Variants in RRH observed in about 807,000 individuals in gnomAD.
The protein encoded by RRH is retinal pigment epithelium-derived rhodopsin homolog, also known as visual pigment-like receptor peropsin.
Under a neutral mutation model 33.1 loss-of-function variants are expected in RRH, and 36 were observed. That is an observed-to-expected ratio of 1.09 (90% CI 0.83 to 1.44). The LOEUF (loss-of-function observed/expected upper bound fraction) is 1.44, where lower values mean the gene tolerates loss of function less well. RRH is among the 40% of genes most tolerant of loss of function. The probability of loss-of-function intolerance (pLI) is 0.00; values close to 1 mark genes in which losing one functional copy is unlikely to be tolerated. For missense variants in RRH, 393 were observed against 420.2 expected, an observed-to-expected ratio of 0.94 and a Z score of 0.57; for synonymous variants, 124 against 140.2, an observed-to-expected ratio of 0.88 and a Z score of 0.82.
At chr4:109,838,750 G>A (rs1323760877) in intron 5 of RRH, among the ~76,000 whole-genome samples, 2 of 152,208 alleles carry the variant, frequency 1.3e-5, no homozygotes, top group African/African-American at 4.8e-5. Flanking sequence ...TACAAAGGCT[G>A]ATGGCATTCT....
Position 109,837,490 on chromosome 4 carries a change from T to C in RRH, c.605T>C (p.Leu202Ser). ...TVIAINFIVP[L>S]TVMFYCYYHV... The stretch of plus-strand genomic sequence containing the variant: ...ATTGCGATAAATTTTATTGTGCCCT[T>C]GACAGTGATGTTTTACTGCTATTAC... The change falls in exon 5 of 7, where the codon TTG becomes TCG. Residue 202 changes from leucine (L) to serine (S), a missense_variant. Physicochemically the swap from Leu to Ser is moderately radical, Grantham distance 145. Transcript: ENST00000317735. 1 of 1,613,936 alleles carries C rather than the reference T, an allele frequency of 6.2e-7. No homozygotes were observed. The highest frequency in any genetic ancestry group is 8.5e-7 in the Non-Finnish European group (1 of 1,179,778).
intron 1 of RRH, among the ~76,000 whole-genome samples, chr4:109,832,368 GGAAACTTGATTTCCA>G (rs1157779145): frequency 2.0e-5 from 3 of 150,852 alleles, no homozygotes; most frequent in African/African-American, 4.9e-5. Flanking sequence ...CTGAGGTTCT[GGAAACTTGATTTCCA>G]GAAACTTGAT....
chr4:109,842,312 C>T (rs1234313309), intron 5 of RRH, among the ~76,000 whole-genome samples, 157 bp from the exon 6 acceptor site: 2 of 152,020 alleles, frequency 1.3e-5, no homozygotes, highest in East Asian at 3.9e-4. Flanking sequence ...GAAAAAAGAA[C>T]ATTGAAGGCA....
At chr4:109,834,510 A>G (rs200106009) in intron 2 of RRH, among the ~76,000 whole-genome samples, 71 of 124,250 alleles carry the variant, frequency 5.7e-4, no homozygotes, top group African/African-American at 2.3e-3. Context: ...TTTTTTTTGT[A>G]TTTTTTTTTT....
At chr4:109,837,731 TTC>T in intron 5 of RRH, 126 bp downstream of exon 5, 1 of 744,280 alleles carries the variant, frequency 1.3e-6, no homozygotes. Flanking sequence ...CAGCTCTTTC[TTC>T]TGTGTTTGCT....
intron 6 of RRH, among the ~76,000 whole-genome samples, chr4:109,843,624 A>G (rs1441290524): frequency 6.6e-6 from 1 of 152,246 alleles, no homozygotes; most frequent in Non-Finnish European, 1.5e-5. Flanking sequence ...AAGAATGAAG[A>G]ACACATTTTA....
intron 3 of RRH, 122 bp from the exon 4 acceptor site, chr4:109,835,885 C>T: frequency 1.7e-6 from 2 of 1,202,572 alleles, no homozygotes; most frequent in Non-Finnish European, 2.5e-6. Flanking sequence ...TGTTTTGGCT[C>T]CTAAGGCCAA....
chr4:109,836,484 A>G (rs1733886877), intron 4 of RRH, among the ~76,000 whole-genome samples: 1 of 152,196 alleles, frequency 6.6e-6, no homozygotes, highest in South Asian at 2.1e-4. Flanking sequence ...ATGAGCAGGA[A>G]AAGGGTTAAT....
At chr4:109,833,620 G>A (rs1294743002) in intron 2 of RRH, among the ~76,000 whole-genome samples, 1 of 151,954 alleles carries the variant, frequency 6.6e-6, no homozygotes, top group Non-Finnish European at 1.5e-5. Context: ...ATAAATATTT[G>A]CATATTGCAA....
chr4:109,839,447 A>AT (rs1405023231), intron 5 of RRH, among the ~76,000 whole-genome samples: 11 of 151,896 alleles, frequency 7.2e-5, no homozygotes, highest in African/African-American at 1.9e-4. Flanking sequence ...GAGAAAAACC[A>AT]TTTTTTTTAA....
intron 2 of RRH, 110 bp from the exon 3 acceptor site, chr4:109,835,256 A>C: frequency 1.4e-6 from 1 of 729,298 alleles, no homozygotes; most frequent in Non-Finnish European, 2.5e-6. Flanking sequence ...TAAAGTAGTA[A>C]AGTAAAAAAC....
chr4:109,829,816 T>C (rs1733712191), intron 1 of RRH, among the ~76,000 whole-genome samples: 1 of 152,096 alleles, frequency 6.6e-6, no homozygotes, highest in African/African-American at 2.4e-5. Flanking sequence ...ACAATGAGTG[T>C]GTGTTGTTTG....
chr4:109,839,805 C>A (rs985255700), intron 5 of RRH, among the ~76,000 whole-genome samples: 1 of 152,212 alleles, frequency 6.6e-6, no homozygotes, highest in Non-Finnish European at 1.5e-5. Context: ...TCCTTTATGG[C>A]TGTATGGTAT....
At chr4:109,831,906 T>C (rs1245151541) in intron 1 of RRH, among the ~76,000 whole-genome samples, 1 of 151,980 alleles carries the variant, frequency 6.6e-6, no homozygotes, top group African/African-American at 2.4e-5. Context: ...AGAACAGGAA[T>C]CTGGAAGGTT....
At chr4:109,842,296 G>A (rs1339714535) in intron 5 of RRH, among the ~76,000 whole-genome samples, 173 bp from the exon 6 acceptor site, 1 of 151,548 alleles carries the variant, frequency 6.6e-6, no homozygotes, top group African/African-American at 2.4e-5. Flanking sequence ...AGGACTTCAG[G>A]CACTTGAAAA....
At chr4:109,840,226 CTT>C (rs149725191) in intron 5 of RRH, among the ~76,000 whole-genome samples, 1 of 146,076 alleles carries the variant, frequency 6.8e-6, no homozygotes, top group Non-Finnish European at 1.5e-5. Flanking sequence ...CAGTGATGAG[CTT>C]TTTTTTTTTC....
chr4:109,841,742 AT>A (rs575346654), intron 5 of RRH, among the ~76,000 whole-genome samples: 1 of 152,030 alleles, frequency 6.6e-6, no homozygotes, highest in Non-Finnish European at 1.5e-5. Context: ...TCCAATGGCC[AT>A]TTTTTCCATT....
intron 1 of RRH, among the ~76,000 whole-genome samples, chr4:109,828,963 G>A (rs148896590): frequency 3.3e-5 from 5 of 152,126 alleles, no homozygotes; most frequent in Non-Finnish European, 5.9e-5. Context: ...AAAGGGATGG[G>A]GGAATGACAG....
chr4:109,835,487 T>G (rs1018965484), intron 3 of RRH, 22 bp downstream of exon 3: 5 of 1,529,316 alleles, frequency 3.3e-6, no homozygotes, highest in Non-Finnish European at 4.5e-6. Context: ...TTCTCAGCTT[T>G]CTTAATGAAT....
Sources: allele counts gnomAD v4.1 joint callset (sites outside exome capture counted in the v4.1 genomes callset), GRCh38; gene constraint gnomAD v4.1.1; transcripts MANE v1.5; gene names NCBI Gene and HGNC (gene_info 2026-07-23, HGNC 2026-07-21).